Variants in CDH20 observed in about 807,000 individuals in gnomAD.
CDH20 encodes cadherin-20.
CDH20 carries 29 observed loss-of-function variants against 74.2 expected under a neutral mutation model. That is an observed-to-expected ratio of 0.39 (90% CI 0.29 to 0.53). The LOEUF is 0.53. Among genes scored for constraint, CDH20 ranks in the 20% least tolerant of loss-of-function variants. The probability of loss-of-function intolerance (pLI) is 0.69; values close to 1 mark genes in which losing one functional copy is unlikely to be tolerated. For missense variants in CDH20, 988 were observed against 1,048.3 expected (o/e 0.94, Z 0.79); for synonymous variants, 469 against 405.4 (o/e 1.16, Z -1.88).
At chr18:61,381,066 G>A (rs934885633) in intron 1 of CDH20, among the ~76,000 whole-genome samples, 2 of 152,128 alleles carry the variant, frequency 1.3e-5, no homozygotes, top group African/African-American at 4.8e-5. Flanking sequence ...CCTAAGGACA[G>A]GGGTGTTTCT....
chr18:61,365,802 A>G (rs1190512823), intron 1 of CDH20, among the ~76,000 whole-genome samples: 2 of 152,208 alleles, frequency 1.3e-5, no homozygotes, highest in African/African-American at 4.8e-5. Flanking sequence ...CTGAAGTACT[A>G]AAAGTTCTTT....
chr18:61,351,893 A>C (rs940100597), intron 1 of CDH20, among the ~76,000 whole-genome samples: 1 of 151,922 alleles, frequency 6.6e-6, no homozygotes. Flanking sequence ...ACAATTATCA[A>C]CCTCCCCTCA....
chr18:61,528,372 T>TC (rs1912519026), intron 7 of CDH20, 152 bp downstream of exon 7: 1 of 786,072 alleles, frequency 1.3e-6, no homozygotes, highest in Non-Finnish European at 2.0e-6. Context: ...TTTTTTTTTT[T>TC]CCCTTAAATA....
At chr18:61,338,301 TC>T (rs1909824183) in intron 1 of CDH20, among the ~76,000 whole-genome samples, 2 of 152,012 alleles carry the variant, frequency 1.3e-5, no homozygotes, top group African/African-American at 4.8e-5. Flanking sequence ...AGAATTTTAT[TC>T]TTTTTTTTTT....
chr18:61,346,701 T>C (rs190535467), intron 1 of CDH20, among the ~76,000 whole-genome samples: 50 of 152,308 alleles, frequency 3.3e-4, no homozygotes, highest in African/African-American at 1.2e-3. Flanking sequence ...TCTACACTAA[T>C]TGAGAGAACA....
intron 1 of CDH20, among the ~76,000 whole-genome samples, chr18:61,379,428 T>G (rs1911360041): frequency 6.6e-6 from 1 of 152,216 alleles, no homozygotes; most frequent in African/African-American, 2.4e-5. Flanking sequence ...TTCCCAGGAT[T>G]GCATTGACTT....
intron 1 of CDH20, among the ~76,000 whole-genome samples, chr18:61,464,097 G>A (rs571606774): frequency 5.9e-5 from 9 of 152,086 alleles, no homozygotes; most frequent in Non-Finnish European, 1.0e-4. Context: ...TATGTGATTC[G>A]CTTGCTATTA....
At chr18:61,497,457 T>G (rs1599126771) in intron 2 of CDH20, among the ~76,000 whole-genome samples, 1 of 152,226 alleles carries the variant, frequency 6.6e-6, no homozygotes, top group East Asian at 1.9e-4. Flanking sequence ...GGCGGCCTTC[T>G]GCAGCTTTTA....
intron 1 of CDH20, among the ~76,000 whole-genome samples, chr18:61,357,991 T>C (rs1910550719): frequency 1.3e-5 from 2 of 152,200 alleles, no homozygotes; most frequent in South Asian, 4.2e-4. Flanking sequence ...GGTTCATGTC[T>C]ATGCACCATT....
rs893466277 is a variant in CDH20, at chr18:61,537,148, A to T, written c.1408+519A>T. 1.3e-5 allele frequency among the ~76,000 whole-genome samples: 2 copies of T among 152,128 alleles called. 1 individual carries two copies. The highest frequency in any genetic ancestry group is 4.1e-4 in the South Asian group (2 of 4,834). On this transcript the variant is annotated intron_variant, in intron 8 of 11. Coordinates refer to ENST00000262717, the MANE Select transcript of CDH20 (RefSeq NM_031891.4). ...TAATATATATTATAAACATAATAAA[A>T]ATTAGATTATGTACTACTACATTCC...
Position 61,520,199 on chromosome 18 carries a change from C to T in CDH20, c.1018-7768C>T, listed in dbSNP as rs553599874. On this transcript the variant is annotated intron_variant, in intron 6 of 11. Transcript: ENST00000262717. Reference sequence around the variant, plus strand: ...GGCGTGGTGGTGGGCACCTGTACTCCCAGCTACTCGGGAGGCTGAGGCAGG... The same window carrying T: ...GGCGTGGTGGTGGGCACCTGTACTCTCAGCTACTCGGGAGGCTGAGGCAGG... Among the ~76,000 whole-genome samples, 78 of 150,108 alleles carry T rather than the reference C, an allele frequency of 5.2e-4. 3 individuals are homozygous for T. Among genetic ancestry groups the T allele is most frequent in the African/African-American group, 1.9e-3 (77 of 40,244 alleles).
intron 1 of CDH20, among the ~76,000 whole-genome samples, chr18:61,433,622 GGGTCAC>G (rs1908729455): frequency 6.6e-6 from 1 of 152,076 alleles, no homozygotes. Flanking sequence ...TGTACATTCT[GGGTCAC>G]GGTTTGATCT....
intron 1 of CDH20, among the ~76,000 whole-genome samples, chr18:61,413,818 T>C (rs1912593824): frequency 6.6e-6 from 1 of 152,092 alleles, no homozygotes; most frequent in African/African-American, 2.4e-5. Flanking sequence ...GATGGTAACA[T>C]GAAGCATACA....
At chr18:61,446,276 C>G (rs185205170) in intron 1 of CDH20, among the ~76,000 whole-genome samples, 74 of 152,318 alleles carry the variant, frequency 4.9e-4, no homozygotes, top group Non-Finnish European at 6.6e-4. Flanking sequence ...TTCTGCTCAA[C>G]TATTCATAAA....
intron 1 of CDH20, among the ~76,000 whole-genome samples, chr18:61,462,921 A>G (rs1909834817): frequency 6.6e-6 from 1 of 152,202 alleles, no homozygotes; most frequent in Non-Finnish European, 1.5e-5. Context: ...AATATAAATA[A>G]TTTAGCATGG....
At chr18:61,400,008 C>A (rs1912105077) in intron 1 of CDH20, among the ~76,000 whole-genome samples, 1 of 152,146 alleles carries the variant, frequency 6.6e-6, no homozygotes, top group Non-Finnish European at 1.5e-5. Context: ...GGATAATGTT[C>A]TTTTCCTCCT....
chr18:61,553,826 G>A (rs1482005493), intron 11 of CDH20, among the ~76,000 whole-genome samples: 2 of 152,180 alleles, frequency 1.3e-5, no homozygotes, highest in Non-Finnish European at 2.9e-5. Flanking sequence ...CACGTGATCT[G>A]GTCCTTAGAG....
rs530979908 is a variant in CDH20, at chr18:61,334,804, T to C, written c.-153+977T>C. The stretch of plus-strand genomic sequence containing the variant: ...GACAATCGGGGAGTTGGTCGCCTGG[T>C]AGATTCAGAGTTTACTATGTTGTTG... On this transcript the variant is annotated intron_variant, in intron 1 of 11. Coordinates refer to ENST00000262717, the MANE Select transcript of CDH20 (RefSeq NM_031891.4). 3.9e-5 allele frequency among the ~76,000 whole-genome samples: 6 copies of C among 152,272 alleles called. No individual in the cohort carries two copies. In the South Asian group the frequency reaches 1.2e-3, roughly 32 times the overall value.
At chr18:61,352,622 C>T (rs1278665017) in intron 1 of CDH20, among the ~76,000 whole-genome samples, 6 of 152,238 alleles carry the variant, frequency 3.9e-5, no homozygotes, top group Admixed American at 6.5e-5. Context: ...GATGATTCTC[C>T]CAATCTAAAT....
Sources: allele counts gnomAD v4.1 joint callset (sites outside exome capture counted in the v4.1 genomes callset), GRCh38; gene constraint gnomAD v4.1.1; transcripts MANE v1.5; gene names NCBI Gene and HGNC (gene_info 2026-07-23, HGNC 2026-07-21).